The following PUS7 variants were observed in gnomAD, a reference collection of about 807,000 sequenced individuals.
The protein encoded by PUS7 is pseudouridylate synthase 7 homolog.
In PUS7, 48 loss-of-function variants were observed where a neutral mutation model predicts 79.8. The ratio of observed to expected loss-of-function variants is 0.60; its 90% CI spans 0.48 to 0.76. PUS7 has a LOEUF of 0.76. Among genes scored for constraint, PUS7 ranks in the 30% least tolerant of loss-of-function variants. The probability of loss-of-function intolerance (pLI) is 0.00; values close to 1 mark genes in which losing one functional copy is unlikely to be tolerated. For synonymous variants in PUS7, 286 were observed against 272.2 expected, an observed-to-expected ratio of 1.05 and a Z score of -0.50; for missense variants, 729 against 797.6, an observed-to-expected ratio of 0.91 and a Z score of 1.04.
At chr7:105,476,315 TG>T (rs958491437) in intron 9 of PUS7, among the ~76,000 whole-genome samples, 5 of 152,060 alleles carry the variant, frequency 3.3e-5, no homozygotes, top group African/African-American at 7.2e-5. Context: ...TCATTTCTTT[TG>T]GGTATATACT....
At chr7:105,509,585 C>T (rs1159491731) in intron 1 of PUS7, among the ~76,000 whole-genome samples, 4 of 152,018 alleles carry the variant, frequency 2.6e-5, no homozygotes, top group African/African-American at 9.7e-5. Context: ...ATCCTCCTGC[C>T]TCAGCCTCCC....
At chr7:105,507,256 G>C (rs564348953) in intron 2 of PUS7, among the ~76,000 whole-genome samples, 2 of 152,216 alleles carry the variant, frequency 1.3e-5, no homozygotes, top group Non-Finnish European at 2.9e-5. Flanking sequence ...ATGTTGCCCA[G>C]GCTGGTCTCA....
chr7:105,505,003 A>T (rs1461047562), intron 4 of PUS7, among the ~76,000 whole-genome samples: 2 of 142,652 alleles, frequency 1.4e-5, no homozygotes, highest in Non-Finnish European at 1.5e-5. Context: ...ATTTAACATA[A>T]TTTTTTTTTT....
intron 9 of PUS7, 146 bp downstream of exon 9, chr7:105,480,906 T>G (rs1462588337): frequency 1.1e-6 from 1 of 924,336 alleles, no homozygotes; most frequent in Non-Finnish European, 1.6e-6. Flanking sequence ...CCCTGTGCAC[T>G]CATTAACTTA....
chr7:105,513,797 C>T (rs1229288553), intron 1 of PUS7, among the ~76,000 whole-genome samples: 1 of 140,194 alleles, frequency 7.1e-6, no homozygotes, highest in East Asian at 2.2e-4. Context: ...GAGATTGTGC[C>T]ACTGCACTCC....
rs926843069 is a variant in PUS7 at position 105,462,638 on chromosome 7, A to G, written c.1740T>C (p.Arg580=). The change falls in exon 14 of 16, where the codon CGT becomes CGC. Residue 580 remains arginine, a synonymous_variant. Transcript: ENST00000469408. ...TTACTCACCAGCTAACATTCTGAGG[A>G]CGAATAATGATCTTTCGGTAGGCCC... ...LSGAYRKIII[R]PQNVSWEVVA... is the part of the protein sequence containing the mutation. 7 of 1,613,724 alleles carry G rather than the reference A, an allele frequency of 4.3e-6. No individual in the cohort carries two copies. The highest frequency in any genetic ancestry group is 1.6e-4 in the Middle Eastern group (1 of 6,084).
chr7:105,515,795 A>ATTTC, intron 1 of PUS7, among the ~76,000 whole-genome samples: 1 of 103,904 alleles, frequency 9.6e-6, no homozygotes, highest in African/African-American at 3.1e-5. Context: ...ATTTTATTTT[A>ATTTC]TTTATTTATT....
chr7:105,511,868 T>G (rs1825715376), intron 1 of PUS7, among the ~76,000 whole-genome samples: 1 of 151,462 alleles, frequency 6.6e-6, no homozygotes, highest in South Asian at 2.1e-4. Context: ...TCTGGCGGCC[T>G]GGTGCAGTGG....
chr7:105,492,497 T>G (rs1210146245), intron 6 of PUS7, among the ~76,000 whole-genome samples: 2 of 143,610 alleles, frequency 1.4e-5, no homozygotes, highest in South Asian at 2.2e-4. Context: ...GCTGATTTTT[T>G]GTATTTTTTT....
At chr7:105,458,354 G>A (rs935949826) in intron 15 of PUS7, among the ~76,000 whole-genome samples, 4 of 151,718 alleles carry the variant, frequency 2.6e-5, no homozygotes, top group Admixed American at 6.6e-5. Flanking sequence ...TCCACCTCCC[G>A]GGTTGAAGCG....
At chr7:105,471,401 A>T (rs1014612547) in intron 10 of PUS7, among the ~76,000 whole-genome samples, 3 of 152,262 alleles carry the variant, frequency 2.0e-5, no homozygotes, top group Non-Finnish European at 4.4e-5. Flanking sequence ...AATAACCACA[A>T]GTAAAATGTT....
chr7:105,473,753 C>T (rs576187862), intron 9 of PUS7, among the ~76,000 whole-genome samples: 45 of 152,036 alleles, frequency 3.0e-4, no homozygotes, highest in East Asian at 2.5e-3. Context: ...GAGGTTTCAC[C>T]GTGTTGGCCA....
chr7:105,503,761 A>T (rs77283553), intron 4 of PUS7, among the ~76,000 whole-genome samples: 9,229 of 151,696 alleles, frequency 0.061, 330 homozygotes, highest in South Asian at 0.13. Flanking sequence ...GCCTCTCAAG[A>T]AGCTGGGACT....
chr7:105,512,187 A>G (rs1460190122), intron 1 of PUS7, among the ~76,000 whole-genome samples: 2 of 151,654 alleles, frequency 1.3e-5, no homozygotes, highest in African/African-American at 4.8e-5. Context: ...TTTGAAAGAC[A>G]AGAAATTAAA....
At chr7:105,496,224 T>TAGAG (rs1562809031) in intron 5 of PUS7, among the ~76,000 whole-genome samples, 1,114 of 83,866 alleles carry the variant, frequency 0.013, 4 homozygotes, top group Non-Finnish European at 0.018. Context: ...TATATATATA[T>TAGAG]ATAGAGAGAG....
chr7:105,483,194 C>CAG (rs10679397), intron 7 of PUS7, among the ~76,000 whole-genome samples: 144,785 of 150,910 alleles, frequency 0.96, 69,487 homozygotes, highest in African/African-American at 0.99. Context: ...TTTTTTGAGA[C>CAG]AGTCTCTCTC....
Position 105,465,422 on chromosome 7 carries a change from T to G in PUS7, c.1526-8A>C. Reference sequence around the variant, plus strand: ...CAATATAGGTGGCTGTGGCTGTAAATTCACAAGTGAACAATAAATTAAGAA... The same window carrying G: ...CAATATAGGTGGCTGTGGCTGTAAAGTCACAAGTGAACAATAAATTAAGAA... On this transcript the variant is annotated splice_polypyrimidine_tract_variant and splice_region_variant and intron_variant, in intron 12 of 15. Transcript: ENST00000469408. 1 of 1,571,340 alleles carries G rather than the reference T, an allele frequency of 6.4e-7. No homozygotes were observed.
intron 9 of PUS7, among the ~76,000 whole-genome samples, chr7:105,478,274 G>GAAACAT (rs1824187218): frequency 6.6e-6 from 1 of 152,036 alleles, no homozygotes; most frequent in Non-Finnish European, 1.5e-5. Context: ...CAGTCTTTTG[G>GAAACAT]CTGCTATGAA....
chr7:105,483,454 C>T (rs190777303), intron 7 of PUS7, among the ~76,000 whole-genome samples: 132 of 150,858 alleles, frequency 8.7e-4, no homozygotes, highest in African/African-American at 3.1e-3. Context: ...TATGAGCCAC[C>T]GTGCCCAGCT....
Sources: allele counts gnomAD v4.1 joint callset (sites outside exome capture counted in the v4.1 genomes callset), GRCh38; gene constraint gnomAD v4.1.1; transcripts MANE v1.5; gene names NCBI Gene and HGNC (gene_info 2026-07-23, HGNC 2026-07-21).